The following CBLB variants were observed in gnomAD, a reference collection of about 807,000 sequenced individuals.
CBLB encodes the protein Cbl proto-oncogene B, also known as E3 ubiquitin-protein ligase CBL-B.
CBLB carries 31 observed loss-of-function variants against 104.9 expected under a neutral mutation model. The ratio of observed to expected loss-of-function variants is 0.30; its 90% CI spans 0.22 to 0.40. The LOEUF is 0.40. Ranked by LOEUF, CBLB falls within the 10% of genes least tolerant of loss-of-function variation. CBLB has a pLI of 1.00. For synonymous variants in CBLB, 440 were observed against 422.6 expected (o/e 1.04, Z -0.51); for missense variants, 1,062 against 1,214.6 (o/e 0.87, Z 1.87).
At chr3:105,797,310 T>C (rs1371086048) in intron 3 of CBLB, among the ~76,000 whole-genome samples, 1 of 152,190 alleles carries the variant, frequency 6.6e-6, no homozygotes, top group African/African-American at 2.4e-5. Context: ...GAGGCCATTA[T>C]CTGAAGCAAA....
At chr3:105,680,593 A>C (rs1364378269) in intron 16 of CBLB, among the ~76,000 whole-genome samples, 6 of 152,174 alleles carry the variant, frequency 3.9e-5, no homozygotes, top group Admixed American at 6.5e-5. Context: ...GGTGAGAATA[A>C]AGTCCTGAAC....
intron 9 of CBLB, among the ~76,000 whole-genome samples, chr3:105,728,589 T>C (rs893298887): frequency 2.6e-5 from 4 of 152,170 alleles, no homozygotes; most frequent in African/African-American, 9.7e-5. Context: ...GTTGAGAAGA[T>C]AAACGTTTTG....
chr3:105,810,841 CTAAG>C (rs2084195976), intron 3 of CBLB, among the ~76,000 whole-genome samples: 1 of 152,064 alleles, frequency 6.6e-6, no homozygotes, highest in Admixed American at 6.6e-5. Context: ...CCAGGAAATA[CTAAG>C]TAAGGTTGCC....
intron 4 of CBLB, among the ~76,000 whole-genome samples, chr3:105,763,884 T>G (rs1253573289): frequency 6.6e-6 from 1 of 152,198 alleles, no homozygotes; most frequent in East Asian, 1.9e-4. Flanking sequence ...GCAAGAGCAG[T>G]GGCTAGAGTA....
chr3:105,810,095 A>T (rs1221895997), intron 3 of CBLB, among the ~76,000 whole-genome samples: 1 of 152,184 alleles, frequency 6.6e-6, no homozygotes, highest in Non-Finnish European at 1.5e-5. Flanking sequence ...GAACGTGTAC[A>T]CCCTGAGACC....
At chr3:105,837,212 T>TGC in intron 3 of CBLB, among the ~76,000 whole-genome samples, 1 of 152,350 alleles carries the variant, frequency 6.6e-6, no homozygotes, top group African/African-American at 2.4e-5. Flanking sequence ...ATTAATGCAC[T>TGC]GCCTCAAGAG....
chr3:105,767,122 A>G (rs947235116), intron 4 of CBLB, among the ~76,000 whole-genome samples: 10 of 152,204 alleles, frequency 6.6e-5, no homozygotes, highest in Non-Finnish European at 1.2e-4. Flanking sequence ...GTAGCTAACT[A>G]GTAGAAATAT....
At chr3:105,861,164 A>G (rs536099850) in intron 2 of CBLB, among the ~76,000 whole-genome samples, 91 of 152,230 alleles carry the variant, frequency 6.0e-4, no homozygotes, top group African/African-American at 2.1e-3. Flanking sequence ...AAATTGTAAT[A>G]ATATTATTAA....
At position 105,676,006 on chromosome 3, in the gene CBLB, A is replaced by G. The variant is rs117035785; in HGVS notation, c.2569+2425T>C. On this transcript the variant is annotated intron_variant, in intron 17 of 18. Coordinates refer to ENST00000394030, the MANE Select transcript of CBLB (RefSeq NM_170662.5). ...AGTTGCCTTTTTTTTTTTTTAAGAA[A>G]TACTTATTATAAGGGATGTTGATAT... Among the ~76,000 whole-genome samples, 840 of 150,728 alleles carry G rather than the reference A, an allele frequency of 5.6e-3. 25 individuals carry two copies. The highest frequency in any genetic ancestry group is 0.05 in the East Asian group (259 of 5,162).
intron 5 of CBLB, among the ~76,000 whole-genome samples, chr3:105,747,637 A>G (rs2076239112): frequency 6.6e-6 from 1 of 152,218 alleles, no homozygotes; most frequent in South Asian, 2.1e-4. Flanking sequence ...AAACTGCATT[A>G]AACATTACTT....
intron 6 of CBLB, among the ~76,000 whole-genome samples, chr3:105,745,008 T>C (rs910846624): frequency 1.8e-4 from 27 of 151,870 alleles, no homozygotes; most frequent in Non-Finnish European, 3.7e-4. Flanking sequence ...ATAAAAATGA[T>C]ACTAGAAAAA....
intron 3 of CBLB, among the ~76,000 whole-genome samples, chr3:105,830,737 A>T (rs1464228219): frequency 6.6e-6 from 1 of 152,252 alleles, no homozygotes; most frequent in Non-Finnish European, 1.5e-5. Context: ...TTATCTAAAG[A>T]GTAGCCTAAT....
chr3:105,842,733 C>T (rs2089726159), intron 3 of CBLB, among the ~76,000 whole-genome samples: 1 of 152,158 alleles, frequency 6.6e-6, no homozygotes, highest in Non-Finnish European at 1.5e-5. Context: ...AATTCCACAA[C>T]TGTGAAGGGA....
chr3:105,787,072 TA>T (rs908295338), intron 3 of CBLB, among the ~76,000 whole-genome samples: 4 of 152,078 alleles, frequency 2.6e-5, no homozygotes, highest in Admixed American at 2.0e-4. Flanking sequence ...AAATGAAAAA[TA>T]AAAAGTAATC....
At chr3:105,806,898 T>TA (rs1351820453) in intron 3 of CBLB, among the ~76,000 whole-genome samples, 2 of 152,196 alleles carry the variant, frequency 1.3e-5, no homozygotes, top group African/African-American at 2.4e-5. Context: ...TTCCAAAACT[T>TA]AAAAAAATTT....
At chr3:105,774,580 C>T (rs1470209717) in intron 4 of CBLB, among the ~76,000 whole-genome samples, 1 of 152,102 alleles carries the variant, frequency 6.6e-6, no homozygotes, top group Non-Finnish European at 1.5e-5. Context: ...GGGAAAGTAT[C>T]TAATCACTAT....
chr3:105,796,466 T>C (rs2082268204), intron 3 of CBLB, among the ~76,000 whole-genome samples: 1 of 152,140 alleles, frequency 6.6e-6, no homozygotes, highest in African/African-American at 2.4e-5. Context: ...GACTTAAATG[T>C]AAAACCCAAA....
In CBLB at chr3:105,702,074, C is replaced by T; in HGVS notation, c.1959+20G>A. 1 of 1,613,888 alleles carries T rather than the reference C, an allele frequency of 6.2e-7. No individual in the cohort carries two copies. The highest frequency in any genetic ancestry group is 1.1e-5 in the South Asian group (1 of 91,076). On this transcript the variant is annotated intron_variant, in intron 12 of 18. Transcript: ENST00000394030. ...CATTTATAAGCAGATTCTCTAGCTTCTGCTTTGCGTATTTCTTACCTTAGC... is the reference window on the plus strand; with the variant it reads ...CATTTATAAGCAGATTCTCTAGCTTTTGCTTTGCGTATTTCTTACCTTAGC...
rs2091829423 is a variant in CBLB at position 105,858,607 on chromosome 3, C to G, written c.169-4943G>C. Among the ~76,000 whole-genome samples, 14 of 152,232 alleles carry G rather than the reference C, an allele frequency of 9.2e-5. No homozygotes were observed. The South Asian group carries it at 2.9e-3, about 32-fold the overall frequency. ...CGATTGGTGCATAAAAGAATTGGTT[C>G]AATAGCAATATTGCTCTTTTCTGTT... On this transcript the variant is annotated intron_variant, in intron 2 of 18. Coordinates refer to ENST00000394030, the MANE Select transcript of CBLB (RefSeq NM_170662.5).
Sources: allele counts gnomAD v4.1 joint callset (sites outside exome capture counted in the v4.1 genomes callset), GRCh38; gene constraint gnomAD v4.1.1; transcripts MANE v1.5; gene names NCBI Gene and HGNC (gene_info 2026-07-23, HGNC 2026-07-21).